Variants in CYTH1 observed in about 807,000 individuals in gnomAD.
CYTH1 encodes cytohesin-1.
In CYTH1, 18 loss-of-function variants were observed where a neutral mutation model predicts 61.8. The ratio of observed to expected loss-of-function variants is 0.29; its 90% CI spans 0.20 to 0.43. The LOEUF (loss-of-function observed/expected upper bound fraction) is 0.43, where lower values mean the gene tolerates loss of function less well. Ranked by LOEUF, CYTH1 falls within the 20% of genes least tolerant of loss-of-function variation. The pLI, the probability that CYTH1 is intolerant of heterozygous loss-of-function variation, is 1.00. For missense variants in CYTH1, 336 were observed against 510.5 expected (o/e 0.66, Z 3.29); for synonymous variants, 174 against 184.3 (o/e 0.94, Z 0.45).
chr17:78,718,216 A>AAT lies in CYTH1; in HGVS notation c.23-8486_23-8485dup, dbSNP rs1387187823. 4.4e-3 allele frequency among the ~76,000 whole-genome samples: 452 copies of AAT among 103,356 alleles called. 6 individuals are homozygous for AAT. Among genetic ancestry groups the AAT allele is most frequent in the African/African-American group, 0.019 (426 of 21,954 alleles). The allele number at this position is 103,356 out of a possible 152,430, so 67.8% of individuals were successfully genotyped here. On this transcript the variant is annotated intron_variant, in intron 1 of 13. Transcript: ENST00000446868. ...AGACCTGGAAGTTTCATAAACACTGAATACACACACACACACACACACACA... is the reference window on the plus strand; with the variant it reads ...AGACCTGGAAGTTTCATAAACACTGAATATACACACACACACACACACACACA...
At chr17:78,683,399 G>A in intron 11 of CYTH1, among the ~76,000 whole-genome samples, 1 of 152,222 alleles carries the variant, frequency 6.6e-6, no homozygotes, top group South Asian at 2.1e-4. Flanking sequence ...AGAGCTGACT[G>A]GGACCTGAAG....
intron 1 of CYTH1, among the ~76,000 whole-genome samples, chr17:78,777,560 T>C (rs2093497689): frequency 6.6e-6 from 1 of 152,148 alleles, no homozygotes; most frequent in African/African-American, 2.4e-5. Context: ...TTTTTGTTGG[T>C]TTTTGAAATT....
intron 1 of CYTH1, among the ~76,000 whole-genome samples, chr17:78,770,760 A>G (rs1420144735): frequency 6.6e-6 from 1 of 152,046 alleles, no homozygotes; most frequent in Non-Finnish European, 1.5e-5. Context: ...ACCTAACACT[A>G]CTAATTACAA....
At chr17:78,679,666 C>T (rs2092737256) in intron 13 of CYTH1, among the ~76,000 whole-genome samples, 1 of 152,224 alleles carries the variant, frequency 6.6e-6, no homozygotes. Context: ...GAGGCCTGGA[C>T]TTGGGAGCTC....
In CYTH1 at chr17:78,780,858, T is replaced by C. The variant is rs377156260; in HGVS notation, c.22+1344A>G. On this transcript the variant is annotated intron_variant, in intron 1 of 13. Transcript: ENST00000446868. ...CCTGTCTCTACTAAAAATACAACAA[T>C]TAGACAGGCGTGGTGGCACGCGCCT... Among the ~76,000 whole-genome samples the C allele has an allele frequency of 2.3e-3, 350 of 152,018 alleles. 5 individuals carry two copies. The highest frequency in any genetic ancestry group is 8.3e-3 in the African/African-American group (343 of 41,456).
rs1369545147 is a variant in CYTH1, at chr17:78,700,270, G to A, written c.550+61C>T. The A allele has an allele frequency of 4.3e-6, 6 of 1,400,030 alleles. No homozygotes were observed. Among genetic ancestry groups the A allele is most frequent in the Middle Eastern group, 1.8e-4 (1 of 5,618 alleles). 86.7% of individuals were successfully genotyped at this position (1,400,030 alleles called of 1,614,324 possible). A position where few individuals can be genotyped will look rare whatever the true frequency, so the allele number is the denominator to read the frequency against. ...CCTTTTGTTTTAGAAATTATCTGGTGCCAAGAAAATAATCCAGTGTAAAAC... is the reference window on the plus strand; with the variant it reads ...CCTTTTGTTTTAGAAATTATCTGGTACCAAGAAAATAATCCAGTGTAAAAC... On this transcript the variant is annotated intron_variant, in intron 7 of 13. Transcript: ENST00000446868. This position sits in a 1 kb window ranked among gnomAD's most constrained non-coding sequence, Gnocchi z 5.1.
In CYTH1 at chr17:78,680,276, G is replaced by A. The variant is rs199612995; in HGVS notation, c.1032C>T (p.Asp344=). The A allele has an allele frequency of 2.0e-5, 33 of 1,614,176 alleles. No homozygotes were observed. The highest frequency in any genetic ancestry group is 1.2e-4 in the African/African-American group (9 of 75,040). ...QVIKACKTEA[D]GRVVEGNHTV... is the part of the protein sequence containing the mutation. ...TGTGGTTCCCCTCCACCACCCGCCCGTCAGCCTCGGTCTTGCAGGCCTTGA... is the reference window on the plus strand; with the variant it reads ...TGTGGTTCCCCTCCACCACCCGCCCATCAGCCTCGGTCTTGCAGGCCTTGA... The change falls in exon 13 of 14, where the codon GAC becomes GAT. Residue 344 remains aspartate, a synonymous_variant. Coordinates refer to ENST00000446868, the MANE Select transcript of CYTH1 (RefSeq NM_004762.6).
intron 5 of CYTH1, 62 bp from the exon 6 acceptor site, chr17:78,701,813 T>G: frequency 6.5e-7 from 1 of 1,545,730 alleles, no homozygotes; most frequent in East Asian, 2.2e-5. Flanking sequence ...ACTGAGAATC[T>G]CCAGCCAGGC....
intron 1 of CYTH1, among the ~76,000 whole-genome samples, chr17:78,772,006 G>T (rs868365652): frequency 1.3e-5 from 2 of 152,090 alleles, no homozygotes; most frequent in African/African-American, 4.8e-5. Context: ...CAGAGGATGT[G>T]GGATTCACTT....
At chr17:78,708,071 G>A in intron 3 of CYTH1, 126 bp downstream of exon 3, 1 of 915,706 alleles carries the variant, frequency 1.1e-6, no homozygotes, top group Non-Finnish European at 1.7e-6. Context: ...GTGTGTATGT[G>A]CTTGCTAGAA....
intron 11 of CYTH1, among the ~76,000 whole-genome samples, chr17:78,689,751 C>T (rs540832694): frequency 9.2e-5 from 14 of 152,296 alleles, no homozygotes; most frequent in African/African-American, 2.6e-4. Flanking sequence ...ATGTCTATAA[C>T]GGCTGCTTTT....
At chr17:78,701,462 C>T (rs571215790) in intron 6 of CYTH1, among the ~76,000 whole-genome samples, 11 of 152,290 alleles carry the variant, frequency 7.2e-5, no homozygotes, top group Non-Finnish European at 1.6e-4. Flanking sequence ...GTTACAGAAT[C>T]GGCCTCCAGA....
intron 1 of CYTH1, 95 bp downstream of exon 1, chr17:78,782,107 G>A (rs1872547527): frequency 9.0e-7 from 1 of 1,113,806 alleles, no homozygotes; most frequent in South Asian, 3.6e-5. Context: ...GTGTCCCCGG[G>A]AAACGCCAGC....
intron 1 of CYTH1, among the ~76,000 whole-genome samples, chr17:78,781,032 AAAT>A (rs530253576): frequency 4.6e-5 from 7 of 151,572 alleles, no homozygotes; most frequent in South Asian, 2.1e-4. Flanking sequence ...AAATAAAATA[AAAT>A]AATAAAATAA....
intron 1 of CYTH1, among the ~76,000 whole-genome samples, chr17:78,781,981 C>CTT (rs2093520453): frequency 2.7e-5 from 4 of 150,828 alleles, no homozygotes; most frequent in Admixed American, 2.6e-4. Flanking sequence ...CTCAGCGCCG[C>CTT]CAGCGACCCC....
intron 3 of CYTH1, among the ~76,000 whole-genome samples, chr17:78,706,258 C>T (rs1461189460): frequency 6.6e-6 from 1 of 152,190 alleles, no homozygotes; most frequent in Non-Finnish European, 1.5e-5. Context: ...CCTGCCATCC[C>T]TGTAAGTTCC....
chr17:78,738,300 A>G (rs2093329118), intron 1 of CYTH1, among the ~76,000 whole-genome samples: 1 of 152,224 alleles, frequency 6.6e-6, no homozygotes, highest in Non-Finnish European at 1.5e-5. Context: ...TGAGGATGCT[A>G]GCACCCAGAG....
intron 1 of CYTH1, among the ~76,000 whole-genome samples, chr17:78,780,449 G>A (rs1372360152): frequency 6.6e-6 from 1 of 152,228 alleles, no homozygotes; most frequent in Admixed American, 6.5e-5. Flanking sequence ...CAAGGAAGCA[G>A]AGCGTGCAGT....
At chr17:78,747,917 A>G (rs1256974911) in intron 1 of CYTH1, among the ~76,000 whole-genome samples, 1 of 152,108 alleles carries the variant, frequency 6.6e-6, no homozygotes, top group African/African-American at 2.4e-5. Context: ...ATTAAAATAA[A>G]TTTCACAGTA....
Sources: gnomAD v4.1 joint callset for allele counts (sites outside exome capture counted in the v4.1 genomes callset) on GRCh38, gnomAD v4.1.1 for gene constraint, Gnocchi (gnomAD v3.1) non-coding constraint, MANE v1.5 for transcripts, NCBI Gene and HGNC (gene_info 2026-07-23, HGNC 2026-07-21) for gene names.